Variants in ARHGAP42 observed in about 807,000 individuals in gnomAD.
ARHGAP42 encodes the protein rho GTPase-activating protein 42.
Under a neutral mutation model 125.0 loss-of-function variants are expected in ARHGAP42, and 63 were observed. The ratio of observed to expected loss-of-function variants is 0.50; its 90% CI spans 0.41 to 0.62. The LOEUF is 0.62. ARHGAP42 is among the 20% of genes least tolerant of loss of function. The pLI is 0.00. For synonymous variants in ARHGAP42, 339 were observed against 351.0 expected, an observed-to-expected ratio of 0.97 and a Z score of 0.38; for missense variants, 766 against 1,024.2, an observed-to-expected ratio of 0.75 and a Z score of 3.44.
chr11:100,751,227 T>C (rs1257367649), intron 1 of ARHGAP42, among the ~76,000 whole-genome samples: 1 of 149,774 alleles, frequency 6.7e-6, no homozygotes, highest in Non-Finnish European at 1.5e-5. Context: ...GTGTTAGCCA[T>C]GTGCCTGGCT....
chr11:100,891,425 C>T (rs1866215099), intron 4 of ARHGAP42, among the ~76,000 whole-genome samples: 1 of 145,590 alleles, frequency 6.9e-6, no homozygotes, highest in Admixed American at 7.0e-5. Context: ...TAGGAAATAA[C>T]TTAAAAGCAT....
chr11:100,754,889 G>T (rs1246203059), intron 1 of ARHGAP42, among the ~76,000 whole-genome samples: 1 of 152,188 alleles, frequency 6.6e-6, no homozygotes, highest in South Asian at 2.1e-4. Flanking sequence ...ATAAAAAAGT[G>T]CTGTGCTTAT....
intron 1 of ARHGAP42, among the ~76,000 whole-genome samples, chr11:100,747,427 C>T (rs1401931632): frequency 1.3e-5 from 2 of 152,106 alleles, no homozygotes; most frequent in Non-Finnish European, 2.9e-5. Context: ...TAATGTCTGA[C>T]CATAAGGTAA....
chr11:100,822,992 C>A (rs752748809), intron 3 of ARHGAP42, among the ~76,000 whole-genome samples: 2 of 152,120 alleles, frequency 1.3e-5, no homozygotes, highest in Non-Finnish European at 2.9e-5. Context: ...GAGGAGCCTG[C>A]CACCCAGACA....
intron 2 of ARHGAP42, among the ~76,000 whole-genome samples, chr11:100,781,856 C>T (rs1287871292): frequency 6.6e-6 from 1 of 151,984 alleles, no homozygotes; most frequent in Non-Finnish European, 1.5e-5. Context: ...CAGATATTGA[C>T]CTAATTCTGG....
intron 17 of ARHGAP42, among the ~76,000 whole-genome samples, chr11:100,969,663 C>T (rs374939954): frequency 6.6e-6 from 1 of 152,190 alleles, no homozygotes; most frequent in African/African-American, 2.4e-5. Context: ...ACCTCTCTCT[C>T]ATTATTCACA....
intron 4 of ARHGAP42, among the ~76,000 whole-genome samples, chr11:100,876,688 A>G (rs947829673): frequency 1.3e-5 from 2 of 152,042 alleles, no homozygotes; most frequent in African/African-American, 4.8e-5. Flanking sequence ...ACTCAGCCCT[A>G]GAGCAAGCAA....
intron 3 of ARHGAP42, among the ~76,000 whole-genome samples, chr11:100,809,287 G>A (rs1864081289): frequency 6.6e-6 from 1 of 152,198 alleles, no homozygotes; most frequent in Admixed American, 6.5e-5. Flanking sequence ...GAGAGGCTCT[G>A]ATTGGCCCAG....
intron 1 of ARHGAP42, among the ~76,000 whole-genome samples, chr11:100,769,012 G>A (rs1456501690): frequency 6.6e-6 from 1 of 152,134 alleles, no homozygotes; most frequent in Non-Finnish European, 1.5e-5. Context: ...TGTCTGTATG[G>A]TCAAGTAGGC....
chr11:100,892,995 TA>T (rs959682535), intron 4 of ARHGAP42, among the ~76,000 whole-genome samples: 3 of 152,208 alleles, frequency 2.0e-5, no homozygotes, highest in Non-Finnish European at 2.9e-5. Flanking sequence ...TTATAACAAC[TA>T]AAAGAACTTG....
chr11:100,848,234 G>A (rs1274346257), intron 3 of ARHGAP42, among the ~76,000 whole-genome samples: 1 of 152,114 alleles, frequency 6.6e-6, no homozygotes, highest in African/African-American at 2.4e-5. Context: ...AATTATCCGA[G>A]AACGTGCATT....
intron 23 of ARHGAP42, among the ~76,000 whole-genome samples, chr11:100,988,357 T>C (rs1297235025): frequency 6.6e-6 from 1 of 152,160 alleles, no homozygotes. Flanking sequence ...ATGCACACTT[T>C]AACCAACCAT....
chr11:100,977,358 C>A (rs1467182954), intron 21 of ARHGAP42, among the ~76,000 whole-genome samples: 2 of 152,214 alleles, frequency 1.3e-5, no homozygotes, highest in African/African-American at 2.4e-5. Flanking sequence ...TCCCTGCTCT[C>A]CTCACTGTTT....
At chr11:100,899,551 G>T (rs1177536729) in intron 4 of ARHGAP42, among the ~76,000 whole-genome samples, 3 of 152,068 alleles carry the variant, frequency 2.0e-5, no homozygotes, top group Non-Finnish European at 4.4e-5. Context: ...ATATATTTAG[G>T]ATAGTTAACT....
intron 1 of ARHGAP42, among the ~76,000 whole-genome samples, chr11:100,731,022 A>G (rs538839750): frequency 4.6e-5 from 7 of 152,240 alleles, no homozygotes; most frequent in African/African-American, 7.2e-5. Flanking sequence ...GGCTTTTGCT[A>G]TATGATGGCA....
At chr11:100,782,218 T>C (rs1181130525) in intron 2 of ARHGAP42, among the ~76,000 whole-genome samples, 3 of 152,216 alleles carry the variant, frequency 2.0e-5, no homozygotes. Context: ...AGGCCTTTAA[T>C]TGCAGTTGCG....
intron 1 of ARHGAP42, among the ~76,000 whole-genome samples, chr11:100,762,522 T>C (rs1213666073): frequency 6.6e-6 from 1 of 152,216 alleles, no homozygotes; most frequent in East Asian, 1.9e-4. Flanking sequence ...TCTCGTTTAT[T>C]GAGTGACTAC....
intron 1 of ARHGAP42, among the ~76,000 whole-genome samples, chr11:100,723,687 A>G (rs1861804612): frequency 6.6e-6 from 1 of 152,186 alleles, no homozygotes; most frequent in Non-Finnish European, 1.5e-5. Context: ...GATCTTCAAC[A>G]TGTACAGTCT....
At chr11:100,824,311 A>G (rs1445910938) in intron 3 of ARHGAP42, among the ~76,000 whole-genome samples, 1 of 152,158 alleles carries the variant, frequency 6.6e-6, no homozygotes, top group African/African-American at 2.4e-5. Context: ...TTTAAGTTAA[A>G]GTTTAATGAT....
Sources: gnomAD v4.1 joint callset for allele counts (sites outside exome capture counted in the v4.1 genomes callset) on GRCh38, gnomAD v4.1.1 for gene constraint, MANE v1.5 for transcripts, NCBI Gene and HGNC (gene_info 2026-07-23, HGNC 2026-07-21) for gene names.